RALGDS: variants seen among roughly 807,000 people sequenced by gnomAD.
RALGDS encodes the protein ral guanine nucleotide dissociation stimulator.
RALGDS carries 44 observed loss-of-function variants against 99.8 expected under a neutral mutation model. The observed-to-expected ratio is 0.44, with a 90% confidence interval of 0.35 to 0.57. The LOEUF (loss-of-function observed/expected upper bound fraction) is 0.57. RALGDS is among the 20% of genes least tolerant of loss of function. The pLI is 0.01. For synonymous variants in RALGDS, 529 were observed against 505.0 expected (o/e 1.05, Z -0.64); for missense variants, 1,022 against 1,203.1 (o/e 0.85, Z 2.23).
At chr9:133,106,169 A>AGG (rs1052003787) in intron 8 of RALGDS, among the ~76,000 whole-genome samples, 153 bp from the exon 9 acceptor site, 1 of 151,692 alleles carries the variant, frequency 6.6e-6, no homozygotes, top group African/African-American at 2.4e-5. Context: ...AGGTCTGGGG[A>AGG]GGGGGCCTTC....
At position 133,109,665 on chromosome 9, in the gene RALGDS, T is replaced by C. The variant is rs895955159; in HGVS notation, c.545A>G (p.Tyr182Cys). ...CTGGGGTCCACCATCCTCGTCGGAA[T>C]AGGGGAGGATGCAGCCGTATCTAGA... ...ASSRYGCILP[Y>C]SDEDGGPQDQ... The change falls in exon 4 of 18, where the codon TAT becomes TGT. Residue 182 changes from tyrosine to cysteine, a missense_variant. Coordinates refer to ENST00000372050, the MANE Select transcript of RALGDS (RefSeq NM_006266.4). 2.5e-6 allele frequency: 4 copies of C among 1,613,782 alleles called. No individual in the cohort carries two copies. The highest frequency in any genetic ancestry group is 1.3e-5 in the African/African-American group (1 of 74,932).
At chr9:133,115,730 G>A (rs1277024637) in intron 1 of RALGDS, among the ~76,000 whole-genome samples, 1 of 152,216 alleles carries the variant, frequency 6.6e-6, no homozygotes, top group African/African-American at 2.4e-5. Flanking sequence ...TATCCCCCTG[G>A]GGCCGGCGAC....
intron 1 of RALGDS, among the ~76,000 whole-genome samples, chr9:133,148,266 G>A (rs1588577348): frequency 1.3e-5 from 2 of 152,266 alleles, no homozygotes; most frequent in Middle Eastern, 3.4e-3. Flanking sequence ...ACACTGAAGG[G>A]GTCTTTTCCT....
upstream of RALGDS, among the ~76,000 whole-genome samples, chr9:133,135,891 C>T (rs890567753): frequency 3.3e-5 from 5 of 152,200 alleles, no homozygotes; most frequent in African/African-American, 9.7e-5. Flanking sequence ...ATTTTGAATT[C>T]AAGGCCAGCT....
chr9:133,111,181 G>A (rs954513120), intron 2 of RALGDS, among the ~76,000 whole-genome samples: 10 of 152,212 alleles, frequency 6.6e-5, no homozygotes, highest in Non-Finnish European at 1.0e-4. Context: ...TGGGAAGAGC[G>A]TCATCTGAGA....
At chr9:133,146,632 T>C (rs28413852) in intron 1 of RALGDS, among the ~76,000 whole-genome samples, 24,934 of 152,178 alleles carry the variant, frequency 0.16, 3,302 homozygotes, top group African/African-American at 0.37. Flanking sequence ...TTGGATTTAG[T>C]GACTGGCTTC....
intron 6 of RALGDS, 64 bp downstream of exon 6, chr9:133,107,924 T>C: frequency 1.3e-6 from 2 of 1,583,794 alleles, no homozygotes; most frequent in South Asian, 2.2e-5. Context: ...AAATGGTAGG[T>C]CTGGGACAGC....
At chr9:133,140,226 C>T (rs1832495487) in intron 1 of RALGDS, among the ~76,000 whole-genome samples, 1 of 150,852 alleles carries the variant, frequency 6.6e-6, no homozygotes, top group South Asian at 2.1e-4. Flanking sequence ...CATGGTCCCA[C>T]CCTCCCCACG....
intron 1 of RALGDS, among the ~76,000 whole-genome samples, chr9:133,142,836 C>T (rs758378944): frequency 6.6e-6 from 1 of 152,228 alleles, no homozygotes; most frequent in African/African-American, 2.4e-5. Context: ...GCCCAGCAGC[C>T]GGGCCCAGCC....
intron 1 of RALGDS, among the ~76,000 whole-genome samples, chr9:133,128,029 G>C (rs1243617912): frequency 6.6e-6 from 1 of 152,196 alleles, no homozygotes; most frequent in Non-Finnish European, 1.5e-5. Flanking sequence ...ATATTGAGGG[G>C]GAGGCACGCA....
intron 1 of RALGDS, among the ~76,000 whole-genome samples, chr9:133,136,418 A>G (rs980824233): frequency 1.3e-5 from 2 of 151,962 alleles, no homozygotes; most frequent in African/African-American, 2.4e-5. Flanking sequence ...CAAGTGAATC[A>G]CTTGAGCTCA....
chr9:133,102,937 C>G, intron 12 of RALGDS, 37 bp from the exon 13 acceptor site: 1 of 1,610,522 alleles, frequency 6.2e-7, no homozygotes, highest in South Asian at 1.1e-5. Flanking sequence ...GTGACAAGGC[C>G]CCCCGGGCAG....
intron 3 of RALGDS, 147 bp downstream of exon 3, chr9:133,110,149 A>G: frequency 2.4e-6 from 2 of 846,066 alleles, no homozygotes; most frequent in South Asian, 1.6e-5. Flanking sequence ...TGACAACCCC[A>G]TGAGGTCCTC....
chr9:133,131,255 T>A, upstream of RALGDS: 1 of 357,704 alleles, frequency 2.8e-6, no homozygotes, highest in Non-Finnish European at 3.8e-6. Context: ...GGGTGGAGAC[T>A]CTCAGGGGAT....
At chr9:133,132,967 G>C (rs1832368263), upstream of RALGDS, among the ~76,000 whole-genome samples, 1 of 152,170 alleles carries the variant, frequency 6.6e-6, no homozygotes, top group Non-Finnish European at 1.5e-5. Flanking sequence ...GTGGGGGTGG[G>C]GGACCAGTAG....
chr9:133,104,325 T>G lies in RALGDS; in HGVS notation c.1609A>C (p.Thr537Pro). The change falls in exon 10 of 18, where the codon ACC becomes CCC. Residue 537 changes from threonine (T) to proline (P), a missense_variant. By Grantham distance (38) the Thr-to-Pro change is conservative. Around this residue, in one of 3 missense-constraint regions of RALGDS, gnomAD observed 825 missense variants for 994.5 expected, o/e 0.83. Transcript: ENST00000372050. The stretch of plus-strand genomic sequence containing the variant: ...ATCTCCAGGGTGGCAAACTTGGAGG[T>G]GCCCTCCTGCCAGGGTAGAGGACAG... ...LSRELLIKEG[T>P]SKFATLEMNP... 1 of 1,612,718 alleles carries G rather than the reference T, an allele frequency of 6.2e-7. No homozygotes were observed. The highest frequency in any genetic ancestry group is 8.5e-7 in the Non-Finnish European group (1 of 1,178,804).
At chr9:133,143,738 C>CAATAATAATAATAAT (rs747330308) in intron 1 of RALGDS, among the ~76,000 whole-genome samples, 61 of 108,072 alleles carry the variant, frequency 5.6e-4, no homozygotes, top group East Asian at 1.6e-3. Context: ...GACCCTGTCT[C>CAATAATAATAATAAT]AATAATAATA....
intron 1 of RALGDS, among the ~76,000 whole-genome samples, chr9:133,126,819 G>A (rs1832177229): frequency 6.6e-6 from 1 of 152,234 alleles, no homozygotes. Context: ...GGCGAGGAGC[G>A]ATTCCTTGGG....
intron 16 of RALGDS, chr9:133,101,304 T>G (rs764373194): frequency 1.4e-6 from 2 of 1,399,904 alleles, no homozygotes; most frequent in Admixed American, 2.0e-5. Flanking sequence ...CCCCTTCAGC[T>G]CCTGGGGGCT....
Sources: allele counts gnomAD v4.1 joint callset (sites outside exome capture counted in the v4.1 genomes callset), GRCh38; gene constraint gnomAD v4.1.1; regional missense constraint gnomAD v4.1.1; transcripts MANE v1.5; gene names NCBI Gene and HGNC (gene_info 2026-07-23, HGNC 2026-07-21).